The following NALF1 variants were observed in gnomAD, a reference collection of about 807,000 sequenced individuals.
The protein encoded by NALF1 is NALCN channel auxiliary factor 1, also known as family with sequence similarity 155 member A.
A neutral mutation model predicts 48.4 loss-of-function variants in NALF1; 3 were observed. The observed-to-expected ratio is 0.06, with a 90% CI of 0.03 to 0.16. The LOEUF (loss-of-function observed/expected upper bound fraction) is 0.16, where lower values mean the gene tolerates loss of function less well. Ranked by LOEUF, NALF1 falls within the 10% of genes least tolerant of loss-of-function variation. The pLI is 1.00. For missense variants in NALF1, 526 were observed against 571.5 expected, an observed-to-expected ratio of 0.92 and a Z score of 0.81; for synonymous variants, 262 against 245.7, an observed-to-expected ratio of 1.07 and a Z score of -0.62.
intron 2 of NALF1, among the ~76,000 whole-genome samples, chr13:107,202,870 C>G (rs1415639674): frequency 6.6e-6 from 1 of 152,162 alleles, no homozygotes. Context: ...TCCTGTTCCA[C>G]TACAAATGCT....
At chr13:107,514,763 C>T (rs1876005279) in intron 1 of NALF1, among the ~76,000 whole-genome samples, 1 of 152,192 alleles carries the variant, frequency 6.6e-6, no homozygotes, top group South Asian at 2.1e-4. Flanking sequence ...ATGGTAGAGC[C>T]TGGTCTGTAT....
chr13:107,618,132 T>C (rs1879429684), intron 1 of NALF1, among the ~76,000 whole-genome samples: 1 of 148,950 alleles, frequency 6.7e-6, no homozygotes, highest in Admixed American at 6.7e-5. Flanking sequence ...AGAGAGAAAA[T>C]AAAATAAGGT....
chr13:107,191,547 G>T (rs189219762), intron 2 of NALF1, among the ~76,000 whole-genome samples: 1 of 152,196 alleles, frequency 6.6e-6, no homozygotes, highest in East Asian at 1.9e-4. Flanking sequence ...ATGTTTCCTA[G>T]AGGCGATGAA....
At chr13:107,704,241 T>C (rs1881894267) in intron 1 of NALF1, among the ~76,000 whole-genome samples, 1 of 152,210 alleles carries the variant, frequency 6.6e-6, no homozygotes. Flanking sequence ...CATGGTCCTT[T>C]TCATGCAAAG....
chr13:107,358,753 T>C (rs1010669388), intron 1 of NALF1, among the ~76,000 whole-genome samples: 3 of 152,192 alleles, frequency 2.0e-5, no homozygotes, highest in African/African-American at 7.2e-5. Flanking sequence ...ATGTGACATC[T>C]TGAAATCCAT....
intron 1 of NALF1, among the ~76,000 whole-genome samples, chr13:107,592,496 A>G (rs1262100134): frequency 6.6e-6 from 1 of 151,978 alleles, no homozygotes; most frequent in African/African-American, 2.4e-5. Flanking sequence ...ATGAAAAAAC[A>G]TTACTTAGTT....
intron 1 of NALF1, among the ~76,000 whole-genome samples, chr13:107,554,818 C>T (rs1186459403): frequency 6.6e-6 from 1 of 152,098 alleles, no homozygotes; most frequent in East Asian, 1.9e-4. Flanking sequence ...TGCCCTTCCT[C>T]CCATGGAGGG....
intron 1 of NALF1, among the ~76,000 whole-genome samples, chr13:107,482,225 G>C (rs919762391): frequency 3.3e-5 from 5 of 152,032 alleles, no homozygotes; most frequent in African/African-American, 1.2e-4. Flanking sequence ...CTTTGGATTT[G>C]AGCTGCAGCA....
chr13:107,867,139 C>A lies in NALF1; in HGVS notation c.-543G>T, dbSNP rs1880762546. 6.6e-6 allele frequency among the ~76,000 whole-genome samples: 1 copy of A among 151,770 alleles called. No individual in the cohort carries two copies. Among genetic ancestry groups the A allele is most frequent in the Admixed American group, 6.6e-5 (1 of 15,264 alleles). On this transcript the variant is annotated 5_prime_UTR_variant, in exon 1 of 3. Coordinates refer to ENST00000375915, the MANE Select transcript of NALF1 (RefSeq NM_001080396.3). The surrounding 1 kb of genome is among the most constrained non-coding windows in gnomAD (Gnocchi z 4.4). ...GAGCGCCTCCCCTCCTCCTCCTCCT[C>A]CTCCTCTTCTTCTCCTCCTCTTCCT...
chr13:107,528,670 T>A (rs551585802), intron 1 of NALF1, among the ~76,000 whole-genome samples: 41 of 152,198 alleles, frequency 2.7e-4, no homozygotes, highest in African/African-American at 9.4e-4. Flanking sequence ...GATAACATAG[T>A]AGGTCCTGAG....
intron 2 of NALF1, among the ~76,000 whole-genome samples, chr13:107,192,683 C>A (rs1404831168): frequency 6.6e-6 from 1 of 152,154 alleles, no homozygotes; most frequent in Non-Finnish European, 1.5e-5. Context: ...CTCAGGCCTT[C>A]CAAGAGGGTT....
At chr13:107,742,098 A>T (rs76736453) in intron 1 of NALF1, among the ~76,000 whole-genome samples, 6,826 of 152,262 alleles carry the variant, frequency 0.045, 404 homozygotes, top group African/African-American at 0.13. Flanking sequence ...CGAGAAGTGG[A>T]TGGGAAGTCA....
At chr13:107,465,339 CTTTG>C (rs1884984208) in intron 1 of NALF1, among the ~76,000 whole-genome samples, 1 of 150,606 alleles carries the variant, frequency 6.6e-6, no homozygotes, top group African/African-American at 2.4e-5. Context: ...ATATATGTCT[CTTTG>C]TTTACTTTTT....
intron 1 of NALF1, among the ~76,000 whole-genome samples, chr13:107,481,514 A>G (rs1278086892): frequency 6.6e-6 from 1 of 152,206 alleles, no homozygotes; most frequent in Non-Finnish European, 1.5e-5. Flanking sequence ...CAAAGCATGT[A>G]AACAGGTACT....
At chr13:107,407,291 G>T (rs74629997) in intron 1 of NALF1, among the ~76,000 whole-genome samples, 2 of 151,824 alleles carry the variant, frequency 1.3e-5, no homozygotes, top group African/African-American at 2.4e-5. Context: ...AAGCTGCACA[G>T]CAAAGGAAAT....
intron 1 of NALF1, among the ~76,000 whole-genome samples, chr13:107,425,889 C>T (rs1380851605): frequency 1.3e-5 from 2 of 152,036 alleles, no homozygotes; most frequent in South Asian, 4.1e-4. Context: ...TGGATGTCTA[C>T]ATACTATGAT....
At chr13:107,446,424 C>G (rs1257490406) in intron 1 of NALF1, among the ~76,000 whole-genome samples, 1 of 150,818 alleles carries the variant, frequency 6.6e-6, no homozygotes. Flanking sequence ...CACACACACA[C>G]ACACACACAC....
At chr13:107,291,574 A>T (rs1881621109) in intron 1 of NALF1, among the ~76,000 whole-genome samples, 2 of 152,116 alleles carry the variant, frequency 1.3e-5, no homozygotes, top group African/African-American at 4.8e-5. Context: ...AATATTTGAA[A>T]ATCTGAAAAA....
intron 1 of NALF1, among the ~76,000 whole-genome samples, chr13:107,263,830 T>A (rs532592650): frequency 6.6e-6 from 1 of 152,282 alleles, no homozygotes; most frequent in South Asian, 2.1e-4. Flanking sequence ...ATTATATCTC[T>A]TTCCTAGGAA....
Sources: gnomAD v4.1 joint callset for allele counts (sites outside exome capture counted in the v4.1 genomes callset) on GRCh38, gnomAD v4.1.1 for gene constraint, Gnocchi (gnomAD v3.1) non-coding constraint, MANE v1.5 for transcripts, NCBI Gene and HGNC (gene_info 2026-07-23, HGNC 2026-07-21) for gene names.